The following GPC5 variants were observed in gnomAD, a reference collection of about 807,000 sequenced individuals.
GPC5 encodes the protein glypican 5.
In GPC5, 47 loss-of-function variants were observed where a neutral mutation model predicts 53.9. The ratio of observed to expected loss-of-function variants is 0.87; its 90% CI spans 0.69 to 1.11. The LOEUF is 1.11. Among genes scored for constraint, GPC5 ranks in the 50% most tolerant of loss-of-function variants. The probability of loss-of-function intolerance (pLI) is 0.00; values close to 1 mark genes in which losing one functional copy is unlikely to be tolerated. For synonymous variants in GPC5, 286 were observed against 263.3 expected (o/e 1.09, Z -0.84); for missense variants, 748 against 713.1 (o/e 1.05, Z -0.56).
rs534604668 is a variant in GPC5 at position 91,877,736 on chromosome 13, A to G, written c.1281-30201A>G. 2.0e-5 allele frequency among the ~76,000 whole-genome samples: 3 copies of G among 152,292 alleles called. No homozygotes were observed. The South Asian group carries it at 6.2e-4, about 32-fold the overall frequency. On this transcript the variant is annotated intron_variant, in intron 5 of 7. Transcript: ENST00000377067. ...ACTTTGTGGAACAGTTTGTAAAGGC[A>G]TACTTGGTTTTGAAATGTGAGGACA...
At chr13:92,037,776 T>A (rs897667457) in intron 6 of GPC5, among the ~76,000 whole-genome samples, 1 of 152,290 alleles carries the variant, frequency 6.6e-6, no homozygotes, top group African/African-American at 2.4e-5. Flanking sequence ...TATAAATTTA[T>A]CCTGCCATAG....
At chr13:91,688,658 C>A (rs1284309259) in intron 2 of GPC5, among the ~76,000 whole-genome samples, 3 of 152,092 alleles carry the variant, frequency 2.0e-5, no homozygotes, top group East Asian at 3.9e-4. Context: ...TGGAGAAATA[C>A]ATCATTAGAC....
chr13:92,848,339 C>T (rs1185356353), intron 7 of GPC5, among the ~76,000 whole-genome samples: 1 of 152,136 alleles, frequency 6.6e-6, no homozygotes. Flanking sequence ...CTTTCTACTA[C>T]ACTTCATTGT....
At chr13:92,592,575 C>T (rs140242120) in intron 7 of GPC5, among the ~76,000 whole-genome samples, 3 of 151,192 alleles carry the variant, frequency 2.0e-5, no homozygotes, top group East Asian at 3.9e-4. Flanking sequence ...AGAAAATAAA[C>T]AAATCTGTTG....
chr13:91,399,419 C>T (rs557208645), intron 1 of GPC5, among the ~76,000 whole-genome samples: 1 of 152,106 alleles, frequency 6.6e-6, no homozygotes, highest in African/African-American at 2.4e-5. Context: ...AAGCCTGCGA[C>T]GAATCCCCGT....
At chr13:92,739,262 G>C (rs1208921687) in intron 7 of GPC5, among the ~76,000 whole-genome samples, 1 of 152,028 alleles carries the variant, frequency 6.6e-6, no homozygotes, top group East Asian at 1.9e-4. Flanking sequence ...TGACAAATTG[G>C]TGTGCCTGAA....
chr13:91,785,158 C>T (rs1466131545), intron 5 of GPC5, among the ~76,000 whole-genome samples: 2 of 152,186 alleles, frequency 1.3e-5, no homozygotes, highest in Non-Finnish European at 2.9e-5. Flanking sequence ...TATTGGTGCA[C>T]CTGAGGGCTC....
intron 5 of GPC5, among the ~76,000 whole-genome samples, chr13:91,800,831 T>C (rs1449723956): frequency 6.6e-6 from 1 of 152,126 alleles, no homozygotes; most frequent in Non-Finnish European, 1.5e-5. Context: ...TTATGTGTAG[T>C]ATATATACTT....
At chr13:92,014,931 G>A (rs1566394734) in intron 6 of GPC5, among the ~76,000 whole-genome samples, 1 of 152,248 alleles carries the variant, frequency 6.6e-6, no homozygotes, top group Non-Finnish European at 1.5e-5. Flanking sequence ...AAATGGAAGA[G>A]TTTGGGTGGC....
chr13:91,678,960 G>A (rs2035446335), intron 2 of GPC5, among the ~76,000 whole-genome samples: 2 of 152,074 alleles, frequency 1.3e-5, no homozygotes, highest in African/African-American at 4.8e-5. Context: ...AGTTTACTCA[G>A]TTCTGTGGAG....
intron 7 of GPC5, among the ~76,000 whole-genome samples, chr13:92,304,397 G>A (rs1443366956): frequency 1.3e-5 from 2 of 151,742 alleles, no homozygotes; most frequent in Non-Finnish European, 2.9e-5. Flanking sequence ...GTAGAGATGG[G>A]GTTTCATCAT....
chr13:92,124,763 A>G (rs2041681107), intron 6 of GPC5, among the ~76,000 whole-genome samples: 1 of 152,176 alleles, frequency 6.6e-6, no homozygotes, highest in African/African-American at 2.4e-5. Flanking sequence ...AAAAAACTGT[A>G]GAGACCACTA....
At chr13:92,565,492 T>G (rs961708636) in intron 7 of GPC5, among the ~76,000 whole-genome samples, 24 of 151,998 alleles carry the variant, frequency 1.6e-4, no homozygotes, top group Non-Finnish European at 3.5e-4. Flanking sequence ...CACATATAGC[T>G]TTTTTTCACT....
At chr13:92,311,519 A>G (rs866963671) in intron 7 of GPC5, among the ~76,000 whole-genome samples, 15 of 152,340 alleles carry the variant, frequency 9.8e-5, no homozygotes, top group African/African-American at 3.4e-4. Context: ...AGACTGGGTA[A>G]TTTATAAAGG....
chr13:92,385,662 T>C (rs9523658), intron 7 of GPC5, among the ~76,000 whole-genome samples: 79,622 of 141,584 alleles, frequency 0.56, 22,846 homozygotes, highest in African/African-American at 0.66. Flanking sequence ...CATATATATA[T>C]ACATATATAC....
intron 7 of GPC5, among the ~76,000 whole-genome samples, chr13:92,736,557 G>T (rs1888940673): frequency 6.6e-6 from 1 of 151,816 alleles, no homozygotes; most frequent in South Asian, 2.1e-4. Flanking sequence ...GTCCACACCA[G>T]TGTGACTTTC....
chr13:92,658,924 G>GTTTTTTTTTTT (rs71123426), intron 7 of GPC5: 26 of 85,632 alleles, frequency 3.0e-4, no homozygotes, highest in African/African-American at 8.2e-4. Flanking sequence ...TATATGTTTT[G>GTTTTTTTTTTT]TTTTTTTTTT....
intron 7 of GPC5, among the ~76,000 whole-genome samples, chr13:92,264,878 C>CTCTGTGTGTGTGTG (rs1310875481): frequency 9.5e-6 from 1 of 104,718 alleles, no homozygotes. Flanking sequence ...CTCTCTCTCT[C>CTCTGTGTGTGTGTG]TGTGTGTGTG....
At chr13:92,357,992 C>G (rs905445147) in intron 7 of GPC5, among the ~76,000 whole-genome samples, 3 of 151,668 alleles carry the variant, frequency 2.0e-5, no homozygotes, top group Non-Finnish European at 4.4e-5. Context: ...AGTTTTAAAT[C>G]ATTTCAGCAT....
Sources: gnomAD v4.1 joint callset for allele counts (sites outside exome capture counted in the v4.1 genomes callset) on GRCh38, gnomAD v4.1.1 for gene constraint, MANE v1.5 for transcripts, NCBI Gene and HGNC (gene_info 2026-07-23, HGNC 2026-07-21) for gene names.